SUMO3: variants seen among roughly 807,000 people sequenced by gnomAD.
SUMO3 encodes small ubiquitin-related modifier 3.
A neutral mutation model predicts 11.1 loss-of-function variants in SUMO3; 2 were observed. The observed-to-expected ratio is 0.18, with a 90% confidence interval of 0.07 to 0.57. The LOEUF is 0.57. SUMO3 is among the 20% of genes least tolerant of loss of function. The pLI is 0.92. For missense variants in SUMO3, 70 were observed against 132.8 expected, an observed-to-expected ratio of 0.53 and a Z score of 2.32; for synonymous variants, 56 against 53.5, an observed-to-expected ratio of 1.05 and a Z score of -0.20.
intron 2 of SUMO3, among the ~76,000 whole-genome samples, chr21:44,812,454 C>T (rs533035723): frequency 6.6e-6 from 1 of 152,202 alleles, no homozygotes; most frequent in African/African-American, 2.4e-5. Flanking sequence ...AAGTTTCAAC[C>T]GAGAATATTA....
Position 44,810,686 on chromosome 21 carries a change from C to T in SUMO3, c.151-1568G>A, listed in dbSNP as rs2083204587. 6.6e-6 allele frequency among the ~76,000 whole-genome samples: 1 copy of T among 152,188 alleles called. No individual in the cohort carries two copies. Among genetic ancestry groups the T allele is most frequent in the Admixed American group, 6.5e-5 (1 of 15,282 alleles). On this transcript the variant is annotated intron_variant, in intron 2 of 3. Coordinates refer to ENST00000332859, the MANE Select transcript of SUMO3 (RefSeq NM_006936.3). The surrounding 1 kb of genome is among the most constrained non-coding windows in gnomAD (Gnocchi z 4.1). ...AGCATCTGGGCGCCTCCAGAACCTG[C>T]AATCCAGACAGATCACCCCATGTGG...
At chr21:44,813,762 C>A (rs1172445866) in intron 2 of SUMO3, 1 of 1,456,026 alleles carries the variant, frequency 6.9e-7, no homozygotes, top group African/African-American at 1.4e-5. Context: ...TTCTCCGAGC[C>A]TCTAGGTCCC....
chr21:44,818,032 C>T lies in SUMO3; in HGVS notation c.-64G>A. The T allele has an allele frequency of 8.7e-7, 1 of 1,152,190 alleles. No homozygotes were observed. Among genetic ancestry groups the T allele is most frequent in the Non-Finnish European group, 1.1e-6 (1 of 931,146 alleles). The allele number at this position is 1,152,190 out of a possible 1,614,324, so 71.4% of individuals were successfully genotyped here. ...CAGCGCGGAGCGGGCGAGTCACGCT[C>T]TCGGCCCCGCCGCTCTCCCGCCGCA... On this transcript the variant is annotated 5_prime_UTR_variant, in exon 1 of 4. Transcript: ENST00000332859.
intron 1 of SUMO3, among the ~76,000 whole-genome samples, chr21:44,815,522 G>A (rs992707658): frequency 6.6e-6 from 1 of 152,202 alleles, no homozygotes; most frequent in Non-Finnish European, 1.5e-5. Context: ...CCCGAATGTG[G>A]CCTCCAGCAC....
At chr21:44,814,541 A>T (rs989700815) in intron 1 of SUMO3, among the ~76,000 whole-genome samples, 13 of 152,332 alleles carry the variant, frequency 8.5e-5, no homozygotes, top group African/African-American at 3.1e-4. Flanking sequence ...TCTCTTTTTT[A>T]AAAAATTCTT....
chr21:44,812,193 A>T (rs1000778170), intron 2 of SUMO3, among the ~76,000 whole-genome samples: 2 of 150,290 alleles, frequency 1.3e-5, no homozygotes, highest in African/African-American at 4.9e-5. Context: ...AGTAGCTGGG[A>T]CTATAGGCTT....
intron 1 of SUMO3, among the ~76,000 whole-genome samples, chr21:44,815,699 G>A (rs1172431121): frequency 2.0e-5 from 3 of 152,138 alleles, no homozygotes; most frequent in East Asian, 3.9e-4. Context: ...GGGCCCAGAC[G>A]TCCCCCACAG....
intron 1 of SUMO3, among the ~76,000 whole-genome samples, chr21:44,816,088 GCCAC>G: frequency 6.6e-6 from 1 of 152,210 alleles, no homozygotes; most frequent in Middle Eastern, 3.2e-3. Context: ...TGAGGTGGCA[GCCAC>G]TCAGTCATTC....
chr21:44,807,200 C>T lies in SUMO3; in HGVS notation c.223-160G>A, dbSNP rs535335481. Among the ~76,000 whole-genome samples the T allele has an allele frequency of 3.1e-4, 47 of 152,258 alleles. No individual in the cohort carries two copies. Among genetic ancestry groups the T allele is most frequent in the African/African-American group, 1.1e-3 (44 of 41,536 alleles). Reference sequence around the variant, plus strand: ...TCCGTCCCCTCACTGCAGCTCAGCACGCATGGAAGAGGCATTGCTGTATGC... The same window carrying T: ...TCCGTCCCCTCACTGCAGCTCAGCATGCATGGAAGAGGCATTGCTGTATGC... On this transcript the variant is annotated intron_variant, in intron 3 of 3. Transcript: ENST00000332859. The surrounding 1 kb of genome is among the most constrained non-coding windows in gnomAD (Gnocchi z 4.3).
rs908642871 is a variant in SUMO3 at position 44,806,822 on chromosome 21, T to C, written c.*129A>G. Reference sequence around the variant, plus strand: ...AGTTTTGAGTTGCACTTGAAGTACATCAAAGAGAGGAAAATCATCGTGGTG... The same window carrying C: ...AGTTTTGAGTTGCACTTGAAGTACACCAAAGAGAGGAAAATCATCGTGGTG... On this transcript the variant is annotated 3_prime_UTR_variant, in exon 4 of 4. Coordinates refer to ENST00000332859, the MANE Select transcript of SUMO3 (RefSeq NM_006936.3). 12 of 1,479,332 alleles carry C rather than the reference T, an allele frequency of 8.1e-6. No homozygotes were observed. Among genetic ancestry groups the C allele is most frequent in the Non-Finnish European group, 9.9e-6 (11 of 1,108,160 alleles). 91.6% of individuals were successfully genotyped at this position (1,479,332 alleles called of 1,614,324 possible). A position where few individuals can be genotyped will look rare whatever the true frequency, so the allele number is the denominator to read the frequency against.
intron 2 of SUMO3, chr21:44,813,641 G>T: frequency 1.5e-6 from 1 of 650,354 alleles, no homozygotes; most frequent in Non-Finnish European, 2.6e-6. Context: ...GGCCAGACCT[G>T]AGCAGGGCCC....
chr21:44,812,145 C>T (rs770865538), intron 2 of SUMO3, among the ~76,000 whole-genome samples: 7 of 150,466 alleles, frequency 4.7e-5, no homozygotes, highest in Non-Finnish European at 1.0e-4. Flanking sequence ...CAGCCTCCAC[C>T]TCCTGGGCTC....
rs11545092 is a variant in SUMO3, at chr21:44,814,012, C to A, written c.114G>T (p.Pro38=). The A allele has an allele frequency of 2.5e-6, 4 of 1,613,332 alleles. No homozygotes were observed. The highest frequency in any genetic ancestry group is 3.4e-6 in the Non-Finnish European group (4 of 1,180,022). Residue 38 remains proline (P), a synonymous_variant, in exon 2 of 4, where the codon CCG becomes CCT. Transcript: ENST00000332859. ...AGTAGGCCTTCATCAGCTTGCTCAG[C>A]GGCGTGTGCCTCTTGATCTTGAACT... The part of the protein sequence containing the change: ...VVQFKIKRHT[P]LSKLMKAYCE...
Position 44,807,144 on chromosome 21 carries a change from G to A in SUMO3, c.223-104C>T. ...CTGGCATGAGTGTTCCCTGACACTAGCGACATCACCTGGTCACACCTTGGC... is the reference window on the plus strand; with the variant it reads ...CTGGCATGAGTGTTCCCTGACACTAACGACATCACCTGGTCACACCTTGGC... On this transcript the variant is annotated intron_variant, in intron 3 of 3. Coordinates refer to ENST00000332859, the MANE Select transcript of SUMO3 (RefSeq NM_006936.3). This position sits in a 1 kb window ranked among gnomAD's most constrained non-coding sequence, Gnocchi z 4.3. 7.2e-7 allele frequency: 1 copy of A among 1,393,530 alleles called. No individual in the cohort carries two copies. The highest frequency in any genetic ancestry group is 1.4e-5 in the African/African-American group (1 of 71,036). 86.3% of individuals were successfully genotyped at this position (1,393,530 alleles called of 1,614,324 possible).
At chr21:44,817,870 G>A (rs1418992396) in intron 1 of SUMO3, 78 bp downstream of exon 1, 1 of 672,466 alleles carries the variant, frequency 1.5e-6, no homozygotes, top group Non-Finnish European at 1.9e-6. Flanking sequence ...GCGGGGCGGA[G>A]TCGGGGTGGG....
In SUMO3 at chr21:44,810,502, ATG is replaced by A. The variant is rs2083203608; in HGVS notation, c.151-1386_151-1385del. Among the ~76,000 whole-genome samples, 1 of 151,932 alleles carries A rather than the reference ATG, an allele frequency of 6.6e-6. No individual in the cohort carries two copies. The highest frequency in any genetic ancestry group is 6.6e-5 in the Admixed American group (1 of 15,256). On this transcript the variant is annotated intron_variant, in intron 2 of 3. Transcript: ENST00000332859. This position sits in a 1 kb window ranked among gnomAD's most constrained non-coding sequence, Gnocchi z 4.1. ...TGCCTCCCACGGCAGCACACATGAG[ATG>A]TGCTTTCTGAGAAGGTGGGTGCGGA...
chr21:44,816,941 G>A lies in SUMO3; in HGVS notation c.21+1007C>T, dbSNP rs115077807. On this transcript the variant is annotated intron_variant, in intron 1 of 3. Transcript: ENST00000332859. ...GCGCACATCGTGGAGGGGGTGATGG[G>A]GAGGGGTGGACGCACACTGGGGGTG... Among the ~76,000 whole-genome samples the A allele has an allele frequency of 3.5e-3, 473 of 134,342 alleles. 6 individuals carry two copies. The highest frequency in any genetic ancestry group is 0.013 in the African/African-American group (436 of 34,338). The allele number at this position is 134,342 out of a possible 152,430, so 88.1% of individuals were successfully genotyped here.
chr21:44,816,323 A>G (rs762891518), intron 1 of SUMO3, among the ~76,000 whole-genome samples: 3 of 152,214 alleles, frequency 2.0e-5, no homozygotes, highest in Admixed American at 6.5e-5. Flanking sequence ...GAGAACTTTG[A>G]CTTCACTGGA....
At chr21:44,808,570 T>C (rs897948789) in intron 3 of SUMO3, 87 of 1,385,522 alleles carry the variant, frequency 6.3e-5, no homozygotes, top group Non-Finnish European at 7.8e-5. Flanking sequence ...TATGATGCCC[T>C]GCAACGTGAT....
Sources: gnomAD v4.1 joint callset for allele counts (sites outside exome capture counted in the v4.1 genomes callset) on GRCh38, gnomAD v4.1.1 for gene constraint, Gnocchi (gnomAD v3.1) non-coding constraint, MANE v1.5 for transcripts, NCBI Gene and HGNC (gene_info 2026-07-23, HGNC 2026-07-21) for gene names.